SCAPER: variants seen among roughly 807,000 people sequenced by gnomAD.
SCAPER encodes the protein S phase cyclin A-associated protein in the endoplasmic reticulum.
A neutral mutation model predicts 182.2 loss-of-function variants in SCAPER; 98 were observed. The observed-to-expected ratio is 0.54, with a 90% CI of 0.46 to 0.64. The LOEUF (loss-of-function observed/expected upper bound fraction) is 0.64, where lower values mean the gene tolerates loss of function less well. Among genes scored for constraint, SCAPER ranks in the 30% least tolerant of loss-of-function variants. SCAPER has a pLI of 0.00. For synonymous variants in SCAPER, 605 were observed against 564.6 expected (o/e 1.07, Z -1.01); for missense variants, 1,432 against 1,690.0 (o/e 0.85, Z 2.68).
intron 23 of SCAPER, among the ~76,000 whole-genome samples, chr15:76,510,575 TA>T (rs1295536164): frequency 2.0e-5 from 3 of 151,848 alleles, no homozygotes; most frequent in Admixed American, 6.6e-5. Flanking sequence ...GAATGGCTAT[TA>T]AAAAAAATAG....
chr15:76,883,759 G>T (rs959907810), intron 2 of SCAPER, 53 bp downstream of exon 2: 1 of 1,372,332 alleles, frequency 7.3e-7, no homozygotes, highest in Non-Finnish European at 9.9e-7. Context: ...TAAAAGAAAG[G>T]AAGAAAAGAG....
chr15:76,665,514 T>C, intron 21 of SCAPER, 139 bp downstream of exon 21: 1 of 999,794 alleles, frequency 1.0e-6, no homozygotes, highest in Non-Finnish European at 1.4e-6. Flanking sequence ...GGAAAGTGGC[T>C]ATAAATTAGG....
intron 24 of SCAPER, among the ~76,000 whole-genome samples, chr15:76,492,868 G>GTTTTTT (rs1185376117): frequency 8.2e-6 from 1 of 121,684 alleles, no homozygotes; most frequent in African/African-American, 3.0e-5. Flanking sequence ...ATCTGAGAGT[G>GTTTTTT]TTTTTTTTTT....
chr15:76,716,903 A>T lies in SCAPER; in HGVS notation c.2166-10919T>A, dbSNP rs79621457. On this transcript the variant is annotated intron_variant, in intron 17 of 31. Coordinates refer to ENST00000563290, the MANE Select transcript of SCAPER (RefSeq NM_020843.4). ...TAAATCTTGGGACTTAGGAAGAGAG[A>T]GAGATCTACATACAAGTCAATGAAG... Among the ~76,000 whole-genome samples the T allele has an allele frequency of 5.8e-4, 88 of 151,860 alleles. 1 individual carries two copies. The East Asian group carries it at 0.013, about 23-fold the overall frequency.
At chr15:76,791,196 A>T (rs2064981650) in intron 8 of SCAPER, among the ~76,000 whole-genome samples, 2 of 152,358 alleles carry the variant, frequency 1.3e-5, no homozygotes, top group Admixed American at 1.3e-4. Context: ...GACATGTCTA[A>T]TGACCCAGCA....
At chr15:76,513,863 A>G (rs2042229510) in intron 23 of SCAPER, among the ~76,000 whole-genome samples, 1 of 152,214 alleles carries the variant, frequency 6.6e-6, no homozygotes. Context: ...CCTTAAGACC[A>G]AGATCAAATG....
intron 23 of SCAPER, among the ~76,000 whole-genome samples, chr15:76,555,676 CAAG>C (rs2046142794): frequency 6.6e-6 from 1 of 152,154 alleles, no homozygotes; most frequent in Non-Finnish European, 1.5e-5. Flanking sequence ...TTCAATTCAA[CAAG>C]AAGACTTAAC....
At chr15:76,738,595 T>C (rs995674724) in intron 15 of SCAPER, among the ~76,000 whole-genome samples, 8 of 150,076 alleles carry the variant, frequency 5.3e-5, no homozygotes, top group Non-Finnish European at 8.8e-5. Flanking sequence ...TAATAACCAA[T>C]TAGCCTAATA....
Position 76,591,580 on chromosome 15 carries a change from G to C in SCAPER, c.2712-17296C>G, listed in dbSNP as rs1488626595. 2.6e-5 allele frequency among the ~76,000 whole-genome samples: 4 copies of C among 152,180 alleles called. No homozygotes were observed. In the East Asian group the frequency reaches 7.7e-4, roughly 29 times the overall value. ...GGGCTCAAGTGAGTCTCCCACCTCAGCTTTCTGAGTAGCTGGGATTACTGG... is the reference window on the plus strand; with the variant it reads ...GGGCTCAAGTGAGTCTCCCACCTCACCTTTCTGAGTAGCTGGGATTACTGG... On this transcript the variant is annotated intron_variant, in intron 22 of 31. Transcript: ENST00000563290.
intron 21 of SCAPER, among the ~76,000 whole-genome samples, chr15:76,650,457 T>C (rs2054935341): frequency 6.6e-6 from 1 of 151,958 alleles, no homozygotes; most frequent in Non-Finnish European, 1.5e-5. Context: ...AAGGGAACAA[T>C]TTGTCAAGAA....
intron 17 of SCAPER, among the ~76,000 whole-genome samples, chr15:76,710,389 C>G (rs2059497421): frequency 6.6e-6 from 1 of 151,990 alleles, no homozygotes; most frequent in Non-Finnish European, 1.5e-5. Context: ...GGACTTAACT[C>G]CATCATAAGT....
chr15:76,464,820 T>C (rs893015804), intron 25 of SCAPER, among the ~76,000 whole-genome samples: 5 of 152,118 alleles, frequency 3.3e-5, no homozygotes, highest in East Asian at 1.9e-4. Context: ...TTTTAGGAAC[T>C]TCCATACTTT....
chr15:76,604,667 G>C (rs534298762), intron 22 of SCAPER, among the ~76,000 whole-genome samples: 1 of 152,044 alleles, frequency 6.6e-6, no homozygotes, highest in Admixed American at 6.6e-5. Context: ...AGCATGGAAT[G>C]TTCTTCCATT....
At chr15:76,517,760 T>C (rs2042549718) in intron 23 of SCAPER, among the ~76,000 whole-genome samples, 1 of 152,174 alleles carries the variant, frequency 6.6e-6, no homozygotes, top group Non-Finnish European at 1.5e-5. Context: ...TGTTTTTCTA[T>C]TGATGTCCTC....
At chr15:76,782,755 A>G (rs1042416614) in intron 8 of SCAPER, among the ~76,000 whole-genome samples, 2 of 152,190 alleles carry the variant, frequency 1.3e-5, no homozygotes, top group Non-Finnish European at 2.9e-5. Flanking sequence ...CTACATGGAA[A>G]CAGAACAACC....
intron 25 of SCAPER, among the ~76,000 whole-genome samples, chr15:76,465,227 G>A (rs1323142180): frequency 3.3e-5 from 5 of 152,176 alleles, no homozygotes; most frequent in Admixed American, 1.3e-4. Context: ...GAAGTCCTGA[G>A]ATCAAGATGC....
intron 15 of SCAPER, among the ~76,000 whole-genome samples, chr15:76,752,161 C>G (rs184100208): frequency 3.7e-4 from 56 of 151,516 alleles, no homozygotes; most frequent in African/African-American, 1.3e-3. Context: ...TAGAGAAATG[C>G]AAATCAAAAC....
chr15:76,770,785 AACTC>A (rs1292712978), intron 10 of SCAPER, among the ~76,000 whole-genome samples: 1 of 152,138 alleles, frequency 6.6e-6, no homozygotes, highest in Non-Finnish European at 1.5e-5. Context: ...CCATACAATA[AACTC>A]ACTACTTATT....
At position 76,354,232 on chromosome 15, in the gene SCAPER, A is replaced by G; in HGVS notation, c.3856-92T>C. 3 of 1,185,044 alleles carry G rather than the reference A, an allele frequency of 2.5e-6. No individual in the cohort carries two copies. The highest frequency in any genetic ancestry group is 3.2e-5 in the South Asian group (2 of 62,384). The allele number at this position is 1,185,044 out of a possible 1,614,324, so 73.4% of individuals were successfully genotyped here. On this transcript the variant is annotated intron_variant, in intron 29 of 31. Transcript: ENST00000563290. This position sits in a 1 kb window ranked among gnomAD's most constrained non-coding sequence, Gnocchi z 4.4. ...AGTGTCGGCTAGTACCATGGAAAAC[A>G]TGCTGAAGGAGTGTAAAGAAAAAGA...
Sources: gnomAD v4.1 joint callset for allele counts (sites outside exome capture counted in the v4.1 genomes callset) on GRCh38, gnomAD v4.1.1 for gene constraint, Gnocchi (gnomAD v3.1) non-coding constraint, MANE v1.5 for transcripts, NCBI Gene and HGNC (gene_info 2026-07-23, HGNC 2026-07-21) for gene names.